MYO1E: variants seen among roughly 807,000 people sequenced by gnomAD.
MYO1E encodes the protein unconventional myosin-Ie.
In MYO1E, 68 loss-of-function variants were observed where a neutral mutation model predicts 151.1. The ratio of observed to expected loss-of-function variants is 0.45; its 90% confidence interval spans 0.37 to 0.55. The LOEUF (loss-of-function observed/expected upper bound fraction) is 0.55, where lower values mean the gene tolerates loss of function less well. Among genes scored for constraint, MYO1E ranks in the 20% least tolerant of loss-of-function variants. MYO1E has a pLI of 0.00. For missense variants in MYO1E, 1,363 were observed against 1,389.3 expected (o/e 0.98, Z 0.30); for synonymous variants, 601 against 501.7 (o/e 1.20, Z -2.64).
At chr15:59,238,390 C>T (rs1451806610) in intron 4 of MYO1E, among the ~76,000 whole-genome samples, 1 of 152,192 alleles carries the variant, frequency 6.6e-6, no homozygotes, top group South Asian at 2.1e-4. Context: ...TAATACTGCA[C>T]AGGCATTTGA....
At chr15:59,236,523 C>G (rs750188528) in intron 5 of MYO1E, 62 bp downstream of exon 5, 35 of 1,415,302 alleles carry the variant, frequency 2.5e-5, no homozygotes, top group Non-Finnish European at 3.2e-5. Context: ...TTTCTAACAG[C>G]AAATGGAGCC....
At chr15:59,214,146 A>T in intron 12 of MYO1E, 82 bp downstream of exon 12, 2 of 1,200,460 alleles carry the variant, frequency 1.7e-6, no homozygotes, top group Non-Finnish European at 1.2e-6. Context: ...ACCGAAATCT[A>T]TTAACAAAAG....
At chr15:59,160,336 C>CGTGTGTGTGTGTGTGTGTGT (rs55633634) in intron 24 of MYO1E, among the ~76,000 whole-genome samples, 3 of 120,084 alleles carry the variant, frequency 2.5e-5, no homozygotes, top group Admixed American at 8.4e-5. Flanking sequence ...TGAGGTAGTG[C>CGTGTGTGTGTGTGTGTGTGT]GTGTGTGTGT....
At chr15:59,166,517 T>C (rs1339214299) in intron 22 of MYO1E, among the ~76,000 whole-genome samples, 1 of 152,188 alleles carries the variant, frequency 6.6e-6, no homozygotes, top group Non-Finnish European at 1.5e-5. Context: ...GAAATGTTAG[T>C]TACAAAACAC....
chr15:59,224,227 G>A (rs1339605333), intron 8 of MYO1E, among the ~76,000 whole-genome samples: 1 of 152,154 alleles, frequency 6.6e-6, no homozygotes, highest in African/African-American at 2.4e-5. Context: ...ACAGAAAAAG[G>A]GTCCTCTGCC....
intron 23 of MYO1E, among the ~76,000 whole-genome samples, chr15:59,162,038 A>T (rs1454521869): frequency 1.3e-5 from 2 of 152,016 alleles, no homozygotes; most frequent in Non-Finnish European, 2.9e-5. Flanking sequence ...AAGCTAAATA[A>T]CTTTCTTTCT....
intron 18 of MYO1E, among the ~76,000 whole-genome samples, chr15:59,187,525 G>C (rs1468710924): frequency 6.6e-6 from 1 of 152,224 alleles, no homozygotes; most frequent in East Asian, 1.9e-4. Context: ...CAATCAGGCA[G>C]TTCCTCTCAA....
intron 26 of MYO1E, among the ~76,000 whole-genome samples, chr15:59,149,459 G>A (rs368904527): frequency 1.7e-4 from 23 of 138,700 alleles, no homozygotes; most frequent in African/African-American, 5.9e-4. Context: ...TATGCTAATC[G>A]ATGGCAAGAT....
intron 4 of MYO1E, among the ~76,000 whole-genome samples, chr15:59,250,014 T>C (rs1285053498): frequency 6.6e-6 from 1 of 152,040 alleles, no homozygotes; most frequent in Non-Finnish European, 1.5e-5. Flanking sequence ...CTGCCCAGGG[T>C]CAGGTGAGCA....
At chr15:59,313,678 A>AT (rs2080567193) in intron 1 of MYO1E, among the ~76,000 whole-genome samples, 1 of 152,168 alleles carries the variant, frequency 6.6e-6, no homozygotes, top group South Asian at 2.1e-4. Flanking sequence ...GGCTGGATTT[A>AT]TTTTGATTTG....
At chr15:59,238,770 C>A (rs1446260252) in intron 4 of MYO1E, among the ~76,000 whole-genome samples, 1 of 151,902 alleles carries the variant, frequency 6.6e-6, no homozygotes, top group African/African-American at 2.4e-5. Flanking sequence ...CGGGGTTTCA[C>A]CATGTTAGCC....
intron 18 of MYO1E, among the ~76,000 whole-genome samples, chr15:59,182,145 T>C (rs961609803): frequency 1.3e-5 from 2 of 152,214 alleles, no homozygotes; most frequent in African/African-American, 4.8e-5. Context: ...GTGTGGGGGA[T>C]TGAAAATGTC....
intron 18 of MYO1E, among the ~76,000 whole-genome samples, chr15:59,178,780 AC>A (rs2079640914): frequency 6.6e-6 from 1 of 152,112 alleles, no homozygotes; most frequent in Non-Finnish European, 1.5e-5. Context: ...CCACGTCAAC[AC>A]CCTGGTGAAA....
At chr15:59,277,682 G>C (rs2080329440) in intron 1 of MYO1E, among the ~76,000 whole-genome samples, 1 of 152,138 alleles carries the variant, frequency 6.6e-6, no homozygotes, top group Admixed American at 6.5e-5. Flanking sequence ...AGCAAAGTTT[G>C]TAATAGGGAA....
chr15:59,205,039 T>C (rs935271892), intron 15 of MYO1E, among the ~76,000 whole-genome samples: 1 of 152,148 alleles, frequency 6.6e-6, no homozygotes, highest in Non-Finnish European at 1.5e-5. Flanking sequence ...GAGACTGATA[T>C]AGAGAAAAGA....
chr15:59,233,403 C>T (rs952190619), intron 5 of MYO1E, among the ~76,000 whole-genome samples: 6 of 152,062 alleles, frequency 3.9e-5, no homozygotes, highest in African/African-American at 1.4e-4. Flanking sequence ...CGGTGGCTCA[C>T]GCCTGTAATC....
At chr15:59,332,232 G>C (rs751420481) in intron 1 of MYO1E, among the ~76,000 whole-genome samples, 1 of 152,156 alleles carries the variant, frequency 6.6e-6, no homozygotes, top group African/African-American at 2.4e-5. Context: ...TCAAAGTCAC[G>C]GGTAAGGGAG....
chr15:59,190,725 G>A (rs183500877), intron 17 of MYO1E, among the ~76,000 whole-genome samples: 3 of 152,162 alleles, frequency 2.0e-5, no homozygotes, highest in Non-Finnish European at 4.4e-5. Flanking sequence ...ATTTCTAGAC[G>A]AGTACTTTCT....
intron 2 of MYO1E, among the ~76,000 whole-genome samples, chr15:59,269,847 C>T (rs1402417517): frequency 6.6e-6 from 1 of 150,512 alleles, no homozygotes; most frequent in Admixed American, 6.6e-5. Context: ...AGCAAGACTC[C>T]ATCTCAAAAA....
Sources: allele counts gnomAD v4.1 joint callset (sites outside exome capture counted in the v4.1 genomes callset), GRCh38; gene constraint gnomAD v4.1.1; transcripts MANE v1.5; gene names NCBI Gene and HGNC (gene_info 2026-07-23, HGNC 2026-07-21).